The following NRG1 variants were observed in gnomAD, a reference collection of about 807,000 sequenced individuals.
The protein encoded by NRG1 is neuregulin 1.
A neutral mutation model predicts 63.8 loss-of-function variants in NRG1; 18 were observed. The observed-to-expected ratio is 0.28, with a 90% CI of 0.19 to 0.42. NRG1 has a LOEUF of 0.42. Among genes scored for constraint, NRG1 ranks in the 10% least tolerant of loss-of-function variants. NRG1 has a pLI of 1.00. For missense variants in NRG1, 762 were observed against 814.7 expected, an observed-to-expected ratio of 0.94 and a Z score of 0.79; for synonymous variants, 302 against 301.3, an observed-to-expected ratio of 1.00 and a Z score of -0.02.
intron 1 of NRG1, among the ~76,000 whole-genome samples, chr8:32,219,174 G>A (rs759826984): frequency 1.1e-4 from 17 of 152,156 alleles, no homozygotes; most frequent in African/African-American, 1.2e-4. Flanking sequence ...TCACATCTGA[G>A]TTGGTTGCAT....
chr8:32,446,442 A>C (rs1287239908), intron 1 of NRG1, among the ~76,000 whole-genome samples: 1 of 152,042 alleles, frequency 6.6e-6, no homozygotes, highest in Non-Finnish European at 1.5e-5. Flanking sequence ...ATCACTTGAG[A>C]CCAGGAGTTT....
At chr8:32,540,945 C>A (rs1039101454) in intron 1 of NRG1, among the ~76,000 whole-genome samples, 1 of 152,164 alleles carries the variant, frequency 6.6e-6, no homozygotes, top group Non-Finnish European at 1.5e-5. Flanking sequence ...GCCAAGTTAG[C>A]TAATTGTTCT....
chr8:31,788,440 T>C (rs1479204435), intron 1 of NRG1, among the ~76,000 whole-genome samples: 2 of 152,172 alleles, frequency 1.3e-5, no homozygotes, highest in Non-Finnish European at 2.9e-5. Flanking sequence ...AACAAACCTA[T>C]TGTCTTCTTA....
intron 1 of NRG1, among the ~76,000 whole-genome samples, chr8:31,642,733 C>T (rs1307187351): frequency 1.3e-5 from 2 of 152,104 alleles, no homozygotes; most frequent in African/African-American, 4.8e-5. Flanking sequence ...CACAAAGTTA[C>T]TGCCCTGGAT....
intron 1 of NRG1, among the ~76,000 whole-genome samples, chr8:32,035,354 T>A (rs1818872298): frequency 6.6e-6 from 1 of 152,184 alleles, no homozygotes; most frequent in Non-Finnish European, 1.5e-5. Flanking sequence ...AGTGATTTAC[T>A]TTCAATTATT....
intron 1 of NRG1, among the ~76,000 whole-genome samples, chr8:31,663,092 A>C (rs1157827714): frequency 6.6e-6 from 1 of 152,188 alleles, no homozygotes; most frequent in African/African-American, 2.4e-5. Flanking sequence ...GCAATGGGAC[A>C]CCAGGGGTCT....
intron 1 of NRG1, among the ~76,000 whole-genome samples, chr8:32,512,410 G>A (rs1829325003): frequency 6.6e-6 from 1 of 152,140 alleles, no homozygotes; most frequent in Non-Finnish European, 1.5e-5. Context: ...ATAGCTTTAT[G>A]ATCACATGAA....
At chr8:32,603,369 C>T (rs967156518) in intron 2 of NRG1, among the ~76,000 whole-genome samples, 1 of 152,110 alleles carries the variant, frequency 6.6e-6, no homozygotes, top group African/African-American at 2.4e-5. Context: ...TAATGAAAAG[C>T]CTGTCTTTAT....
intron 1 of NRG1, among the ~76,000 whole-genome samples, chr8:32,252,698 GA>G (rs1849255950): frequency 6.6e-6 from 1 of 152,122 alleles, no homozygotes; most frequent in South Asian, 2.1e-4. Context: ...GGTTCCATAT[GA>G]AATTTAAAGT....
At chr8:32,723,054 G>T (rs1821044162) in intron 5 of NRG1, among the ~76,000 whole-genome samples, 1 of 152,050 alleles carries the variant, frequency 6.6e-6, no homozygotes, top group South Asian at 2.1e-4. Context: ...ACTTTTGTTT[G>T]CTCAATATTT....
intron 1 of NRG1, among the ~76,000 whole-genome samples, chr8:31,752,951 C>T (rs1368658998): frequency 6.6e-6 from 1 of 151,942 alleles, no homozygotes; most frequent in Non-Finnish European, 1.5e-5. Flanking sequence ...TGTTGGGCCA[C>T]CTACTGTGTT....
intron 5 of NRG1, among the ~76,000 whole-genome samples, chr8:32,690,536 A>C (rs909343389): frequency 7.3e-6 from 1 of 137,332 alleles, no homozygotes; most frequent in African/African-American, 3.0e-5. Flanking sequence ...TAGGTGGTAT[A>C]GCTGCAAGAC....
chr8:32,559,245 TAAAA>T lies in NRG1; in HGVS notation c.100+10434_100+10437del, dbSNP rs545838945. ...TAGTATGTCATCTCACTCTAAAATG[TAAAA>T]AAAAAAAAAAAAAATCACTACTCAG... On this transcript the variant is annotated intron_variant, in intron 1 of 11. Transcript: ENST00000356819. 5.5e-3 allele frequency among the ~76,000 whole-genome samples: 533 copies of T among 96,766 alleles called. 15 individuals are homozygous for T. Among genetic ancestry groups the T allele is most frequent in the Admixed American group, 0.011 (82 of 7,580 alleles). 63.5% of individuals were successfully genotyped at this position (96,766 alleles called of 152,430 possible). A position where few individuals can be genotyped will look rare whatever the true frequency, so the allele number is the denominator to read the frequency against.
intron 1 of NRG1, among the ~76,000 whole-genome samples, chr8:32,570,739 T>A (rs1241116276): frequency 6.6e-6 from 1 of 152,212 alleles, no homozygotes; most frequent in Non-Finnish European, 1.5e-5. Context: ...GGACCCTTTC[T>A]TTAAGATAAA....
At position 32,391,701 on chromosome 8, in the gene NRG1, T is replaced by C. The variant is rs527302819; in HGVS notation, c.38-204127T>C. ...CCTAGAAAGGACATGATCTCGTTCTTTTTTATGGCTGCATAGTATTCCATG... is the reference window on the plus strand; with the variant it reads ...CCTAGAAAGGACATGATCTCGTTCTCTTTTATGGCTGCATAGTATTCCATG... On this transcript the variant is annotated intron_variant, in intron 1 of 10. Coordinates refer to the NRG1 transcript ENST00000519301. Among the ~76,000 whole-genome samples, 20 of 152,328 alleles carry C rather than the reference T, an allele frequency of 1.3e-4. 1 individual carries two copies. In the South Asian group the frequency reaches 3.9e-3, roughly 30 times the overall value.
Position 31,964,997 on chromosome 8 carries a change from C to T in NRG1, c.37+325566C>T, listed in dbSNP as rs1453622303. Reference sequence around the variant, plus strand: ...AAAGTACACAAGACAAAAGCTCCATCGTTAGGGCCAAAGCATAGGAACAAA... The same window carrying T: ...AAAGTACACAAGACAAAAGCTCCATTGTTAGGGCCAAAGCATAGGAACAAA... On this transcript the variant is annotated intron_variant, in intron 1 of 10. Coordinates refer to the NRG1 transcript ENST00000519301. Among the ~76,000 whole-genome samples the T allele has an allele frequency of 3.3e-5, 5 of 152,240 alleles. No individual in the cohort carries two copies. In the East Asian group the frequency reaches 5.8e-4, roughly 18 times the overall value.
In NRG1 at chr8:32,736,180, G is replaced by C. The variant is rs1326507976; in HGVS notation, c.633-6495G>C. On this transcript the variant is annotated intron_variant, in intron 6 of 11. Coordinates refer to ENST00000356819, the Ensembl canonical transcript of NRG1. Reference sequence around the variant, plus strand: ...TTTTGCAGATGATGCTAGAAAGAACGCTAAAACACAAATTAGAAAAGCATA... The same window carrying C: ...TTTTGCAGATGATGCTAGAAAGAACCCTAAAACACAAATTAGAAAAGCATA... Among the ~76,000 whole-genome samples the C allele has an allele frequency of 2.6e-5, 4 of 152,110 alleles. No homozygotes were observed. In the South Asian group the frequency reaches 6.2e-4, roughly 24 times the overall value.
chr8:32,449,865 G>C (rs1219701924), intron 1 of NRG1, among the ~76,000 whole-genome samples: 1 of 152,150 alleles, frequency 6.6e-6, no homozygotes, highest in African/African-American at 2.4e-5. Context: ...AAAGGGAAGA[G>C]GGAGCCAGTG....
At chr8:32,216,754 TATA>T (rs1380583725) in intron 1 of NRG1, among the ~76,000 whole-genome samples, 1 of 151,464 alleles carries the variant, frequency 6.6e-6, no homozygotes, top group East Asian at 1.9e-4. Flanking sequence ...ATATATATAA[TATA>T]ATGAGTTCTT....
Sources: gnomAD v4.1 joint callset for allele counts (sites outside exome capture counted in the v4.1 genomes callset) on GRCh38, gnomAD v4.1.1 for gene constraint, MANE v1.5 for transcripts, NCBI Gene and HGNC (gene_info 2026-07-23, HGNC 2026-07-21) for gene names.